Variants in CS observed in about 807,000 individuals in gnomAD.
CS encodes the protein citrate synthase.
Under a neutral mutation model 61.4 loss-of-function variants are expected in CS, and 13 were observed. The observed-to-expected ratio is 0.21, with a 90% CI of 0.14 to 0.34. The LOEUF is 0.34. Among genes scored for constraint, CS ranks in the 10% least tolerant of loss-of-function variants. The pLI is 1.00. For missense variants in CS, 278 were observed against 573.4 expected (o/e 0.48, Z 5.26); for synonymous variants, 159 against 215.2 (o/e 0.74, Z 2.29).
rs1873314022 is a variant in CS at position 56,296,589 on chromosome 12, G to A, written c.42+3571C>T. Among the ~76,000 whole-genome samples the A allele has an allele frequency of 2.6e-5, 4 of 152,306 alleles. No individual in the cohort carries two copies. In the South Asian group the frequency reaches 8.3e-4, roughly 32 times the overall value. On this transcript the variant is annotated intron_variant, in intron 1 of 10. Coordinates refer to ENST00000351328, the MANE Select transcript of CS (RefSeq NM_004077.3). Reference sequence around the variant, plus strand: ...TTCACATCCTACTCTGTTGCATAAAGTATTGACACAGGGCAGAAAGAATCA... The same window carrying A: ...TTCACATCCTACTCTGTTGCATAAAATATTGACACAGGGCAGAAAGAATCA...
At chr12:56,283,074 C>T (rs1420922784) in intron 4 of CS, 83 bp from the exon 5 acceptor site, 26 of 1,469,154 alleles carry the variant, frequency 1.8e-5, no homozygotes, top group Non-Finnish European at 4.7e-6. Flanking sequence ...GACCTTACAA[C>T]AAGTTAGAGT....
intron 6 of CS, among the ~76,000 whole-genome samples, chr12:56,280,356 A>C (rs1213509558): frequency 1.4e-5 from 2 of 143,096 alleles, no homozygotes; most frequent in Non-Finnish European, 3.0e-5. Flanking sequence ...TGGAGGTTGC[A>C]GTGAGCTGAG....
At chr12:56,278,632 GAGGCCA>G (rs1297420377) in intron 6 of CS, among the ~76,000 whole-genome samples, 2 of 151,726 alleles carry the variant, frequency 1.3e-5, no homozygotes, top group Non-Finnish European at 2.9e-5. Flanking sequence ...AGCTACTCGG[GAGGCCA>G]AGGCAGGAAA....
At chr12:56,275,214 T>C (rs1872597456) in intron 7 of CS, 83 bp from the exon 8 acceptor site, 1 of 1,550,598 alleles carries the variant, frequency 6.4e-7, no homozygotes, top group South Asian at 1.1e-5. Context: ...ATTTGCCACT[T>C]ACTAGCCTAG....
chr12:56,276,302 G>A, intron 6 of CS, 107 bp from the exon 7 acceptor site: 2 of 973,916 alleles, frequency 2.1e-6, no homozygotes, highest in South Asian at 2.8e-5. Context: ...TTGGGTTGAT[G>A]GTTAGTTATA....
intron 1 of CS, among the ~76,000 whole-genome samples, chr12:56,293,373 A>T (rs1451057113): frequency 6.6e-6 from 1 of 152,200 alleles, no homozygotes; most frequent in Non-Finnish European, 1.5e-5. Flanking sequence ...TAATCCCAGC[A>T]TTTCTGAATT....
In CS at chr12:56,300,085, G is replaced by A; in HGVS notation, c.42+75C>T. 15 of 1,453,146 alleles carry A rather than the reference G, an allele frequency of 1.0e-5. No homozygotes were observed. The South Asian group carries it at 1.9e-4, about 18-fold the overall frequency. 90.0% of individuals were successfully genotyped at this position (1,453,146 alleles called of 1,614,324 possible). A position where few individuals can be genotyped will look rare whatever the true frequency, so the allele number is the denominator to read the frequency against. On this transcript the variant is annotated intron_variant, in intron 1 of 10. Coordinates refer to ENST00000351328, the MANE Select transcript of CS (RefSeq NM_004077.3). ...AGGGTGCGCACGGGTGTGGGAGGGAGACCCCGGCGCCGGAGGGCCTGCGGT... is the reference window on the plus strand; with the variant it reads ...AGGGTGCGCACGGGTGTGGGAGGGAAACCCCGGCGCCGGAGGGCCTGCGGT...
chr12:56,283,905 TAATCAG>T, intron 3 of CS, 48 bp from the exon 4 acceptor site: 1 of 1,394,390 alleles, frequency 7.2e-7, no homozygotes, highest in Non-Finnish European at 1.0e-6. Context: ...CTGTGGCCAG[TAATCAG>T]AATGATTCAG....
intron 1 of CS, among the ~76,000 whole-genome samples, chr12:56,293,332 G>A (rs1873191806): frequency 6.6e-6 from 1 of 152,098 alleles, no homozygotes; most frequent in Admixed American, 6.6e-5. Flanking sequence ...TTAAAACCTT[G>A]GGGGAGGCTG....
intron 9 of CS, chr12:56,274,014 T>TG: frequency 1.9e-6 from 1 of 532,472 alleles, no homozygotes; most frequent in South Asian, 2.1e-5. Context: ...TTTTTTTTTT[T>TG]TGGTAAAGAT....
At position 56,271,721 on chromosome 12, in the gene CS, T is replaced by G. The variant is rs905931189; in HGVS notation, c.*1363A>C. 6 of 306,794 alleles carry G rather than the reference T, an allele frequency of 2.0e-5. No individual in the cohort carries two copies. In the Admixed American group the frequency reaches 2.2e-4, roughly 12 times the overall value. 19.0% of individuals were successfully genotyped at this position (306,794 alleles called of 1,614,324 possible). On this transcript the variant is annotated 3_prime_UTR_variant, in exon 11 of 11. Transcript: ENST00000351328. ...AAGCATTGTTAATAAAAACATTTAT[T>G]TTGCATTTTATACAGAACAACCTGA...
At position 56,278,672 on chromosome 12, in the gene CS, G is replaced by A. The variant is rs192714377; in HGVS notation, c.589-2477C>T. Among the ~76,000 whole-genome samples, 288 of 151,906 alleles carry A rather than the reference G, an allele frequency of 1.9e-3. 1 individual carries two copies. The highest frequency in any genetic ancestry group is 6.3e-3 in the African/African-American group (263 of 41,468). The stretch of plus-strand genomic sequence containing the variant: ...AAATTGCTTGAACCTGGGAGGCGGA[G>A]GTTGCAGTGAGCCGAGGTCGTGCCA... On this transcript the variant is annotated intron_variant, in intron 6 of 10. Coordinates refer to ENST00000351328, the MANE Select transcript of CS (RefSeq NM_004077.3).
At chr12:56,277,037 T>TA (rs1872639113) in intron 6 of CS, among the ~76,000 whole-genome samples, 1 of 151,598 alleles carries the variant, frequency 6.6e-6, no homozygotes. Flanking sequence ...TGGTCTCTTC[T>TA]AAAAACACAA....
intron 1 of CS, among the ~76,000 whole-genome samples, chr12:56,297,423 TA>T (rs1873339149): frequency 6.6e-6 from 1 of 152,234 alleles, no homozygotes; most frequent in Admixed American, 6.5e-5. Flanking sequence ...ATGTGACATT[TA>T]AATTATGTGA....
chr12:56,284,455 A>T (rs969905960), intron 3 of CS, among the ~76,000 whole-genome samples: 8 of 151,868 alleles, frequency 5.3e-5, no homozygotes, highest in African/African-American at 1.9e-4. Flanking sequence ...TCTGTCACTC[A>T]GGCTGCAGCA....
At chr12:56,291,280 C>G in intron 1 of CS, 2 of 1,085,806 alleles carry the variant, frequency 1.8e-6, no homozygotes, top group Non-Finnish European at 2.3e-6. Context: ...AAGCCTGAGG[C>G]AGAGGTGAAT....
chr12:56,286,494 TACTC>T (rs1565622059), intron 2 of CS, 97 bp downstream of exon 2: 5 of 859,024 alleles, frequency 5.8e-6, no homozygotes, highest in East Asian at 2.6e-5. Flanking sequence ...TTCCAGGAAA[TACTC>T]AGGATAATAA....
chr12:56,295,971 A>C (rs1438224106), intron 1 of CS, among the ~76,000 whole-genome samples: 2 of 150,710 alleles, frequency 1.3e-5, no homozygotes, highest in Non-Finnish European at 3.0e-5. Flanking sequence ...AAAAAAAAAA[A>C]AAAAAAAAAA....
At chr12:56,274,600 A>G in intron 9 of CS, 177 bp downstream of exon 9, 1 of 544,422 alleles carries the variant, frequency 1.8e-6, no homozygotes, top group Non-Finnish European at 3.2e-6. Flanking sequence ...AGTAGGTGGG[A>G]CTACAGGTGC....
Sources: allele counts gnomAD v4.1 joint callset (sites outside exome capture counted in the v4.1 genomes callset), GRCh38; gene constraint gnomAD v4.1.1; transcripts MANE v1.5; gene names NCBI Gene and HGNC (gene_info 2026-07-23, HGNC 2026-07-21).